ADGRA1: variants seen among roughly 807,000 people sequenced by gnomAD.
The protein encoded by ADGRA1 is adhesion G protein-coupled receptor A1.
Under a neutral mutation model 21.3 loss-of-function variants are expected in ADGRA1, and 12 were observed. That is an observed-to-expected ratio of 0.56 (90% CI 0.36 to 0.91). The LOEUF (loss-of-function observed/expected upper bound fraction) is 0.91, where lower values mean the gene tolerates loss of function less well. ADGRA1 is among the 40% of genes least tolerant of loss of function. ADGRA1 has a pLI of 0.01. For missense variants in ADGRA1, 790 were observed against 805.6 expected (o/e 0.98, Z 0.23); for synonymous variants, 385 against 368.8 (o/e 1.04, Z -0.50).
intron 1 of ADGRA1, 57 bp downstream of exon 1, chr10:133,088,195 C>A: frequency 2.4e-6 from 2 of 826,640 alleles, no homozygotes; most frequent in Non-Finnish European, 2.9e-6. Flanking sequence ...CGCGGCTCGG[C>A]AGAAAAGCTC....
chr10:133,126,102 C>T (rs557859115), intron 5 of ADGRA1, among the ~76,000 whole-genome samples: 2 of 152,216 alleles, frequency 1.3e-5, no homozygotes, highest in African/African-American at 2.4e-5. Context: ...GTCCGCAGCA[C>T]GGACCCTCGG....
chr10:133,123,212 C>T (rs545362964), intron 5 of ADGRA1, among the ~76,000 whole-genome samples: 3 of 152,342 alleles, frequency 2.0e-5, no homozygotes, highest in East Asian at 3.9e-4. Flanking sequence ...CGTCCCTCTG[C>T]GCCCGTCTGT....
chr10:133,114,773 C>T (rs1852125857), intron 5 of ADGRA1, among the ~76,000 whole-genome samples: 1 of 152,188 alleles, frequency 6.6e-6, no homozygotes, highest in Non-Finnish European at 1.5e-5. Context: ...CAGATGGGTC[C>T]CGTGTCCCAG....
chr10:133,090,948 C>T (rs1386876853), intron 2 of ADGRA1, among the ~76,000 whole-genome samples: 1 of 152,190 alleles, frequency 6.6e-6, no homozygotes, highest in Non-Finnish European at 1.5e-5. Context: ...CAGTTTGCTC[C>T]CCTCTGGAGG....
In ADGRA1 at chr10:133,102,469, G is replaced by A. The variant is rs143674829; in HGVS notation, c.256-228G>A. ...GGGTCCCCACAGACTCCCTGCTCCCGTCTCTGTGCAGAAGGGGAGGAAAGC... is the reference window on the plus strand; with the variant it reads ...GGGTCCCCACAGACTCCCTGCTCCCATCTCTGTGCAGAAGGGGAGGAAAGC... On this transcript the variant is annotated intron_variant, in intron 4 of 6. Transcript: ENST00000392607. 1.3e-4 allele frequency: 84 copies of A among 657,776 alleles called. 1 individual carries two copies. The East Asian group carries it at 1.6e-3, about 13-fold the overall frequency. 40.7% of individuals were successfully genotyped at this position (657,776 alleles called of 1,614,324 possible).
chr10:133,121,950 C>T (rs1220089896), intron 5 of ADGRA1, among the ~76,000 whole-genome samples: 1 of 142,674 alleles, frequency 7.0e-6, no homozygotes, highest in Non-Finnish European at 1.5e-5. Flanking sequence ...TGTGAGTGTG[C>T]TTGTGTGAGT....
At chr10:133,092,747 G>A (rs1032778958) in intron 2 of ADGRA1, among the ~76,000 whole-genome samples, 4 of 81,520 alleles carry the variant, frequency 4.9e-5, no homozygotes, top group African/African-American at 1.5e-4. Context: ...GAGAAATAGG[G>A]AGGGAGGAAG....
intron 5 of ADGRA1, among the ~76,000 whole-genome samples, chr10:133,116,276 C>T (rs1021753639): frequency 2.0e-5 from 3 of 152,160 alleles, no homozygotes; most frequent in African/African-American, 4.8e-5. Context: ...CCTGTGCCTT[C>T]GCCTATAACA....
At position 133,122,106 on chromosome 10, in the gene ADGRA1, G is replaced by A. The variant is rs376175144; in HGVS notation, c.402-5127G>A. Among the ~76,000 whole-genome samples the A allele has an allele frequency of 2.2e-4, 33 of 152,334 alleles. No individual in the cohort carries two copies. In the South Asian group the frequency reaches 3.3e-3, roughly 15 times the overall value. ...TACGTGTGTGCACGTGTGAGCATGC[G>A]CGTGGTGTAAGGAGAGGCGCAGCAT... On this transcript the variant is annotated intron_variant, in intron 5 of 6. Coordinates refer to ENST00000392607, the MANE Select transcript of ADGRA1 (RefSeq NM_001083909.3).
intron 5 of ADGRA1, among the ~76,000 whole-genome samples, chr10:133,109,678 CA>C (rs1473946054): frequency 6.6e-6 from 1 of 152,216 alleles, no homozygotes; most frequent in Admixed American, 6.5e-5. Context: ...CCCTCGATGA[CA>C]ATGACGGGAA....
At chr10:133,115,962 C>A (rs964852957) in intron 5 of ADGRA1, among the ~76,000 whole-genome samples, 1 of 152,110 alleles carries the variant, frequency 6.6e-6, no homozygotes, top group Non-Finnish European at 1.5e-5. Flanking sequence ...CCTAACTTAT[C>A]CCTCCCGCTC....
At chr10:133,115,944 A>G (rs1457692818) in intron 5 of ADGRA1, among the ~76,000 whole-genome samples, 3 of 151,618 alleles carry the variant, frequency 2.0e-5, no homozygotes, top group Non-Finnish European at 4.4e-5. Context: ...ACCCAGCAAG[A>G]CCCTCTCCCT....
At chr10:133,096,107 A>G (rs953128481) in intron 2 of ADGRA1, among the ~76,000 whole-genome samples, 4 of 152,158 alleles carry the variant, frequency 2.6e-5, no homozygotes, top group African/African-American at 9.7e-5. Flanking sequence ...AAGCACAGAC[A>G]TGTTTCCCAC....
rs937534804 is a variant in ADGRA1, at chr10:133,088,014, T to C, written c.-327T>C. ...GCGCCGCAGCCCCGCAATCTGTTGA[T>C]AACTCGGTCCCAGCTCGGCCGCTGC... On this transcript the variant is annotated 5_prime_UTR_variant, in exon 1 of 7. Coordinates refer to ENST00000392607, the MANE Select transcript of ADGRA1 (RefSeq NM_001083909.3). The C allele has an allele frequency of 3.5e-4, 349 of 984,858 alleles. No homozygotes were observed. The highest frequency in any genetic ancestry group is 4.1e-4 in the Non-Finnish European group (340 of 829,782). 61.0% of individuals were successfully genotyped at this position (984,858 alleles called of 1,614,324 possible). A position where few individuals can be genotyped will look rare whatever the true frequency, so the allele number is the denominator to read the frequency against.
In ADGRA1 at chr10:133,128,941, G is replaced by A. The variant is rs1301590285; in HGVS notation, c.1113G>A (p.Gln371=). Reference sequence around the variant, plus strand: ...AGATGACCAACCTGCAGGCCGCGCAGGGCCACGCCAGTTGCCTGTCACCGG... The same window carrying A: ...AGATGACCAACCTGCAGGCCGCGCAAGGCCACGCCAGTTGCCTGTCACCGG... ...PCKMTNLQAA[Q]GHASCLSPAT... Residue 371 remains glutamine (Q), a synonymous_variant, in exon 7 of 7, where the codon CAG becomes CAA. Coordinates refer to ENST00000392607, the MANE Select transcript of ADGRA1 (RefSeq NM_001083909.3). 3.2e-6 allele frequency: 5 copies of A among 1,556,434 alleles called. No individual in the cohort carries two copies. The East Asian group carries it at 7.0e-5, about 22-fold the overall frequency.
chr10:133,122,742 T>C (rs1220802518), intron 5 of ADGRA1, among the ~76,000 whole-genome samples: 5 of 152,028 alleles, frequency 3.3e-5, no homozygotes, highest in African/African-American at 7.2e-5. Flanking sequence ...GCCCCACCCC[T>C]GGCCGTGCCT....
At chr10:133,121,957 G>GT (rs1852276407) in intron 5 of ADGRA1, among the ~76,000 whole-genome samples, 3 of 146,474 alleles carry the variant, frequency 2.0e-5, no homozygotes, top group African/African-American at 7.6e-5. Flanking sequence ...GTGCTTGTGT[G>GT]AGTGTGCATG....
At chr10:133,091,806 C>T (rs779185042) in intron 2 of ADGRA1, among the ~76,000 whole-genome samples, 2 of 152,156 alleles carry the variant, frequency 1.3e-5, no homozygotes, top group Non-Finnish European at 2.9e-5. Flanking sequence ...AGAGTGCCTT[C>T]GAAACCTCCA....
chr10:133,130,859 CAA>C lies in ADGRA1; in HGVS notation c.*1350_*1351del, dbSNP rs10534039. On this transcript the variant is annotated 3_prime_UTR_variant, in exon 7 of 7. Transcript: ENST00000392607. ...TGCATATCACACACACGCACACACACAAACACGTGCATATCACACACAAACAC... is the reference window on the plus strand; with the variant it reads ...TGCATATCACACACACGCACACACACACACGTGCATATCACACACAAACAC... The C allele has an allele frequency of 0.15, 20,928 of 139,774 alleles. 1,941 individuals are homozygous for C. Among genetic ancestry groups the C allele is most frequent in the East Asian group, 0.45 (2,310 of 5,104 alleles). 8.7% of individuals were successfully genotyped at this position (139,774 alleles called of 1,614,324 possible).
Sources: gnomAD v4.1 joint callset for allele counts (sites outside exome capture counted in the v4.1 genomes callset) on GRCh38, gnomAD v4.1.1 for gene constraint, MANE v1.5 for transcripts, NCBI Gene and HGNC (gene_info 2026-07-23, HGNC 2026-07-21) for gene names.